The following PLEKHG1 variants were observed in gnomAD, a reference collection of about 807,000 sequenced individuals.
The protein encoded by PLEKHG1 is pleckstrin homology and RhoGEF domain containing G1.
A neutral mutation model predicts 100.8 loss-of-function variants in PLEKHG1; 44 were observed. The ratio of observed to expected loss-of-function variants is 0.44; its 90% CI spans 0.34 to 0.56. The LOEUF is 0.56. Ranked by LOEUF, PLEKHG1 falls within the 20% of genes least tolerant of loss-of-function variation. PLEKHG1 has a pLI of 0.01. For synonymous variants in PLEKHG1, 640 were observed against 662.5 expected (o/e 0.97, Z 0.52); for missense variants, 1,545 against 1,720.9 (o/e 0.90, Z 1.81).
intron 1 of PLEKHG1, among the ~76,000 whole-genome samples, chr6:150,632,201 T>C (rs763866137): frequency 6.6e-6 from 1 of 152,240 alleles, no homozygotes; most frequent in Non-Finnish European, 1.5e-5. Context: ...TTCTCTATTA[T>C]AAACACACAA....
chr6:150,795,662 CAGTG>C (rs1285583521), intron 4 of PLEKHG1, among the ~76,000 whole-genome samples, 190 bp from the exon 6 acceptor site: 26 of 150,962 alleles, frequency 1.7e-4, no homozygotes, highest in Admixed American at 1.7e-3. Context: ...GCGGAGGTTG[CAGTG>C]AGCCGAGATC....
chr6:150,807,296 C>T lies in PLEKHG1; in HGVS notation c.913-1809C>T, dbSNP rs1787180950. ...TCCACTGGGGGTCTTGGAACATATC[C>T]CCTGCAGATAAGAGGGACTGCTGTA... On this transcript the variant is annotated intron_variant, in intron 7 of 15. Transcript: ENST00000358517. Among the ~76,000 whole-genome samples, 4 of 152,084 alleles carry T rather than the reference C, an allele frequency of 2.6e-5. No homozygotes were observed. The South Asian group carries it at 8.3e-4, about 32-fold the overall frequency.
At chr6:150,798,412 A>T (rs1482452259) in intron 5 of PLEKHG1, among the ~76,000 whole-genome samples, 1 of 152,224 alleles carries the variant, frequency 6.6e-6, no homozygotes, top group African/African-American at 2.4e-5. Flanking sequence ...AATTCAGAAG[A>T]TTTTGTGATT....
chr6:150,768,785 A>G, intron 3 of PLEKHG1, 47 bp downstream of exon 4: 1 of 1,099,868 alleles, frequency 9.1e-7, no homozygotes, highest in African/African-American at 1.6e-5. Context: ...GCATTATGAA[A>G]ATTTCTCAAA....
intron 3 of PLEKHG1, among the ~76,000 whole-genome samples, chr6:150,670,614 T>A (rs1363708545): frequency 6.6e-6 from 1 of 152,200 alleles, no homozygotes; most frequent in Non-Finnish European, 1.5e-5. Flanking sequence ...CAGCAAAACT[T>A]TGGAGTTCCC....
intron 3 of PLEKHG1, among the ~76,000 whole-genome samples, chr6:150,709,204 G>A (rs1045178534): frequency 1.1e-4 from 16 of 152,114 alleles, no homozygotes; most frequent in African/African-American, 3.9e-4. Flanking sequence ...ATGGTGGTGG[G>A]AGCCTGTAGT....
intron 2 of PLEKHG1, among the ~76,000 whole-genome samples, chr6:150,753,094 CAG>C (rs1026647406): frequency 1.3e-5 from 2 of 152,142 alleles, no homozygotes; most frequent in African/African-American, 4.8e-5. Flanking sequence ...GCCTGGGCAA[CAG>C]AGCCAGAGCC....
At chr6:150,774,877 A>G (rs1245447061) in intron 3 of PLEKHG1, among the ~76,000 whole-genome samples, 2 of 152,006 alleles carry the variant, frequency 1.3e-5, no homozygotes, top group Non-Finnish European at 2.9e-5. Context: ...CTTTTTTAAA[A>G]TTAAAAAAAA....
chr6:150,809,589 A>G (rs1192242230), intron 9 of PLEKHG1, 59 bp from the exon 11 acceptor site: 11 of 1,523,166 alleles, frequency 7.2e-6, no homozygotes, highest in Admixed American at 5.0e-5. Flanking sequence ...CCATCTCATC[A>G]GAGGGTCCTG....
At chr6:150,659,061 C>A (rs1164772323) in intron 3 of PLEKHG1, among the ~76,000 whole-genome samples, 1 of 152,202 alleles carries the variant, frequency 6.6e-6, no homozygotes, top group Non-Finnish European at 1.5e-5. Flanking sequence ...ACCCCAAGCC[C>A]AGTGTCATCT....
chr6:150,726,616 A>G (rs1781976379), intron 1 of PLEKHG1, among the ~76,000 whole-genome samples: 1 of 152,236 alleles, frequency 6.6e-6, no homozygotes, highest in Non-Finnish European at 1.5e-5. Flanking sequence ...TTGGTTAAAG[A>G]CTAATAGATT....
chr6:150,719,118 A>AT (rs759822445), upstream of PLEKHG1, among the ~76,000 whole-genome samples: 1 of 152,176 alleles, frequency 6.6e-6, no homozygotes, highest in Non-Finnish European at 1.5e-5. Flanking sequence ...ATAGGACCCA[A>AT]TATGGCCCCC....
intron 1 of PLEKHG1, among the ~76,000 whole-genome samples, chr6:150,616,718 C>A (rs1281396739): frequency 6.6e-6 from 1 of 152,176 alleles, no homozygotes; most frequent in Non-Finnish European, 1.5e-5. Flanking sequence ...TGTGAGTCTT[C>A]TTGGGTTATC....
chr6:150,631,781 G>A (rs1044361448), intron 1 of PLEKHG1, among the ~76,000 whole-genome samples: 2 of 152,220 alleles, frequency 1.3e-5, no homozygotes, highest in African/African-American at 4.8e-5. Context: ...GGGGAACAGA[G>A]GGTAGGACAG....
chr6:150,734,555 T>C lies in PLEKHG1; in HGVS notation c.411+463T>C, dbSNP rs147322911. 2.6e-4 allele frequency among the ~76,000 whole-genome samples: 40 copies of C among 152,292 alleles called. No individual in the cohort carries two copies. The East Asian group carries it at 4.2e-3, about 16-fold the overall frequency. The stretch of plus-strand genomic sequence containing the variant: ...CTCATACTCAGCAACTGTGATTTCA[T>C]TGGCCTGGGTGGGGCTTGGGTGGTG... On this transcript the variant is annotated intron_variant, in intron 2 of 15. Transcript: ENST00000358517.
intron 4 of PLEKHG1, among the ~76,000 whole-genome samples, chr6:150,792,534 T>C (rs1317131288): frequency 1.3e-5 from 2 of 148,236 alleles, no homozygotes; most frequent in Non-Finnish European, 3.0e-5. Context: ...TTTAGCTGGG[T>C]GTGGTGGTGA....
intron 3 of PLEKHG1, among the ~76,000 whole-genome samples, chr6:150,770,644 A>G (rs990875631): frequency 6.6e-6 from 1 of 152,232 alleles, no homozygotes; most frequent in Admixed American, 6.5e-5. Flanking sequence ...AAAGAAAAAG[A>G]AAATAGAGAA....
intron 2 of PLEKHG1, among the ~76,000 whole-genome samples, chr6:150,760,624 GA>G (rs1309696535): frequency 4.9e-5 from 7 of 142,448 alleles, no homozygotes; most frequent in East Asian, 2.1e-4. Context: ...GATTATTTCA[GA>G]AATGCTTTGC....
intron 3 of PLEKHG1, among the ~76,000 whole-genome samples, chr6:150,774,550 TTTTTTTTTTG>T (rs1784862769): frequency 8.6e-6 from 1 of 115,818 alleles, no homozygotes; most frequent in African/African-American, 4.0e-5. Flanking sequence ...TTTTTTTTTT[TTTTTTTTTTG>T]AGACACAGTC....
Sources: gnomAD v4.1 joint callset for allele counts (sites outside exome capture counted in the v4.1 genomes callset) on GRCh38, gnomAD v4.1.1 for gene constraint, MANE v1.5 for transcripts, NCBI Gene and HGNC (gene_info 2026-07-23, HGNC 2026-07-21) for gene names.